Variants in GNB1 observed in about 807,000 individuals in gnomAD.
GNB1 encodes the protein guanine nucleotide-binding protein G(I)/G(S)/G(T) subunit beta-1.
In GNB1, 2 loss-of-function variants were observed where a neutral mutation model predicts 42.9. That is an observed-to-expected ratio of 0.05 (90% CI 0.02 to 0.15). The LOEUF is 0.15. Ranked by LOEUF, GNB1 falls within the 10% of genes least tolerant of loss-of-function variation. The pLI, the probability that GNB1 is intolerant of heterozygous loss-of-function variation, is 1.00. For synonymous variants in GNB1, 183 were observed against 174.7 expected (o/e 1.05, Z -0.38); for missense variants, 193 against 462.2 (o/e 0.42, Z 5.34).
chr1:1,871,506 A>G (rs901217915), intron 1 of GNB1, among the ~76,000 whole-genome samples: 3 of 151,990 alleles, frequency 2.0e-5, no homozygotes, highest in African/African-American at 7.2e-5. Context: ...TGCACCCTAC[A>G]CTGTCACATC....
In GNB1 at chr1:1,886,061, T is replaced by C. The variant is rs1421089568; in HGVS notation, c.-96+4759A>G. Among the ~76,000 whole-genome samples, 7 of 151,534 alleles carry C rather than the reference T, an allele frequency of 4.6e-5. No homozygotes were observed. In the East Asian group the frequency reaches 5.9e-4, roughly 13 times the overall value. On this transcript the variant is annotated intron_variant, in intron 1 of 11. Coordinates refer to ENST00000378609, the MANE Select transcript of GNB1 (RefSeq NM_002074.5). ...GCACGGTGGCTCACGCCTGTAATCC[T>C]AGAACTTTGGGAGGCTCAGACAGGC...
At chr1:1,885,094 T>C (rs1300870565) in intron 1 of GNB1, among the ~76,000 whole-genome samples, 1 of 151,996 alleles carries the variant, frequency 6.6e-6, no homozygotes, top group Non-Finnish European at 1.5e-5. Context: ...ATTTTATCTA[T>C]GGCAAAATAG....
At chr1:1,818,713 A>C (rs1646890508) in intron 3 of GNB1, among the ~76,000 whole-genome samples, 1 of 151,938 alleles carries the variant, frequency 6.6e-6, no homozygotes, top group South Asian at 2.1e-4. Flanking sequence ...AAATACAAAA[A>C]ATAGCTGGGT....
chr1:1,839,880 C>T (rs1570696440), intron 1 of GNB1, among the ~76,000 whole-genome samples: 3 of 151,774 alleles, frequency 2.0e-5, no homozygotes, highest in African/African-American at 4.8e-5. Context: ...ACAGTCTGGG[C>T]GCGGTGGCTC....
chr1:1,791,475 A>C (rs539247011), intron 8 of GNB1, among the ~76,000 whole-genome samples: 2 of 152,198 alleles, frequency 1.3e-5, no homozygotes, highest in South Asian at 4.1e-4. Flanking sequence ...GCGCCCGGCC[A>C]TACCTGGTAT....
chr1:1,873,030 T>C (rs1346992706), intron 1 of GNB1, among the ~76,000 whole-genome samples: 1 of 151,516 alleles, frequency 6.6e-6, no homozygotes, highest in Non-Finnish European at 1.5e-5. Context: ...GTCTATCTCC[T>C]ACTCTCCAAG....
At chr1:1,886,502 A>G (rs1650165811) in intron 1 of GNB1, among the ~76,000 whole-genome samples, 3 of 152,190 alleles carry the variant, frequency 2.0e-5, no homozygotes, top group Non-Finnish European at 1.5e-5. Context: ...ACTCACTCCC[A>G]TATACGTTGG....
chr1:1,835,819 T>A (rs917993772), intron 2 of GNB1, among the ~76,000 whole-genome samples: 2 of 149,842 alleles, frequency 1.3e-5, no homozygotes. Context: ...ATGACTATAA[T>A]CTGAGCACTT....
At chr1:1,806,348 TAACA>T (rs1218171957) in intron 6 of GNB1, 123 bp downstream of exon 6, 3 of 611,072 alleles carry the variant, frequency 4.9e-6, no homozygotes, top group Non-Finnish European at 5.9e-6. Flanking sequence ...ACTTCACTAC[TAACA>T]AACAGAGCTT....
chr1:1,834,636 G>T (rs138619426), intron 2 of GNB1, among the ~76,000 whole-genome samples: 1 of 150,570 alleles, frequency 6.6e-6, no homozygotes, highest in African/African-American at 2.4e-5. Context: ...ATCATGCAGC[G>T]CACACAACAG....
chr1:1,875,362 T>C (rs138967540), intron 1 of GNB1, among the ~76,000 whole-genome samples: 69 of 152,010 alleles, frequency 4.5e-4, no homozygotes, highest in Admixed American at 9.8e-4. Flanking sequence ...CCACTAAACT[T>C]TTGTGTTTTT....
At chr1:1,830,810 G>C (rs1647065406) in intron 2 of GNB1, among the ~76,000 whole-genome samples, 1 of 151,796 alleles carries the variant, frequency 6.6e-6, no homozygotes, top group South Asian at 2.1e-4. Context: ...GCCTCCCAAA[G>C]CGCTAGACTC....
At position 1,831,840 on chromosome 1, in the gene GNB1, C is replaced by T. The variant is rs1647080526; in HGVS notation, c.-46-6341G>A. ...TTGGGAGGCTGAGGCTGGCAGATGG[C>T]TTGAGCTCAGGAGTTCAAGACCAGG... On this transcript the variant is annotated intron_variant, in intron 2 of 11. Coordinates refer to ENST00000378609, the MANE Select transcript of GNB1 (RefSeq NM_002074.5). Among the ~76,000 whole-genome samples the T allele has an allele frequency of 2.0e-5, 3 of 150,198 alleles. No individual in the cohort carries two copies. In the Admixed American group the frequency reaches 2.0e-4, roughly 10 times the overall value.
intron 1 of GNB1, among the ~76,000 whole-genome samples, chr1:1,856,439 CTTTTT>C (rs1417629642): frequency 6.6e-6 from 1 of 150,750 alleles, no homozygotes; most frequent in African/African-American, 2.4e-5. Context: ...TTCTTTCTTT[CTTTTT>C]TTGAGACAGA....
Position 1,818,026 on chromosome 1 carries a change from A to G in GNB1, c.58-151T>C, listed in dbSNP as rs998901850. 3 of 626,710 alleles carry G rather than the reference A, an allele frequency of 4.8e-6. No homozygotes were observed. The African/African-American group carries it at 5.4e-5, about 11-fold the overall frequency. The allele number at this position is 626,710 out of a possible 1,614,324, so 38.8% of individuals were successfully genotyped here. ...CGGCAGAGTCTCCTTGCATCTCAAC[A>G]CCCCATGGTCTACTACCATCTGTGG... On this transcript the variant is annotated intron_variant, in intron 3 of 11. Transcript: ENST00000378609.
intron 7 of GNB1, among the ~76,000 whole-genome samples, chr1:1,794,839 G>A (rs573729607): frequency 2.6e-5 from 4 of 152,140 alleles, no homozygotes; most frequent in South Asian, 2.1e-4. Flanking sequence ...ACAGGTGCAC[G>A]CCACCACACA....
intron 1 of GNB1, among the ~76,000 whole-genome samples, chr1:1,852,966 C>A (rs1321242255): frequency 6.6e-6 from 1 of 152,160 alleles, no homozygotes; most frequent in Non-Finnish European, 1.5e-5. Flanking sequence ...CGCACTGCAG[C>A]GCTCTGAGGG....
chr1:1,859,592 A>G (rs1017112380), intron 1 of GNB1, among the ~76,000 whole-genome samples: 2 of 151,912 alleles, frequency 1.3e-5, no homozygotes, highest in African/African-American at 2.4e-5. Context: ...TGAGACGCCA[A>G]CGGAGACTGA....
Position 1,850,987 on chromosome 1 carries a change from C to T in GNB1, c.-95-11749G>A, listed in dbSNP as rs904373858. 4.6e-5 allele frequency among the ~76,000 whole-genome samples: 7 copies of T among 152,138 alleles called. No homozygotes were observed. The South Asian group carries it at 6.2e-4, about 14-fold the overall frequency. On this transcript the variant is annotated intron_variant, in intron 1 of 11. Transcript: ENST00000378609. ...GTATTTTTCTCAAAAACATACTGGCCGGCCAGGCGCGGTGGCTTACGCCTG... is the reference window on the plus strand; with the variant it reads ...GTATTTTTCTCAAAAACATACTGGCTGGCCAGGCGCGGTGGCTTACGCCTG...
Sources: gnomAD v4.1 joint callset for allele counts (sites outside exome capture counted in the v4.1 genomes callset) on GRCh38, gnomAD v4.1.1 for gene constraint, MANE v1.5 for transcripts, NCBI Gene and HGNC (gene_info 2026-07-23, HGNC 2026-07-21) for gene names.